TENM4: variants seen among roughly 807,000 people sequenced by gnomAD.
The protein encoded by TENM4 is teneurin-4.
Under a neutral mutation model 243.3 loss-of-function variants are expected in TENM4, and 82 were observed. The ratio of observed to expected loss-of-function variants is 0.34; its 90% CI spans 0.28 to 0.40. The LOEUF (loss-of-function observed/expected upper bound fraction) is 0.40. TENM4 is among the 10% of genes least tolerant of loss of function. The pLI is 1.00. For synonymous variants in TENM4, 1,412 were observed against 1,456.3 expected (o/e 0.97, Z 0.69); for missense variants, 3,138 against 3,673.3 (o/e 0.85, Z 3.77).
At position 78,838,734 on chromosome 11, in the gene TENM4, G is replaced by C. The variant is rs185225925; in HGVS notation, c.1681+15370C>G. On this transcript the variant is annotated intron_variant, in intron 12 of 33. Transcript: ENST00000278550. ...ATGAGTTCCATCCAAAGGGGGCAGG[G>C]CCTTGTTCTCACAGGAATTTTGGTC... Among the ~76,000 whole-genome samples the C allele has an allele frequency of 9.9e-3, 1,505 of 152,270 alleles. 18 individuals carry two copies. Among genetic ancestry groups the C allele is most frequent in the African/African-American group, 0.034 (1,404 of 41,544 alleles).
chr11:78,787,175 C>T, intron 15 of TENM4, 92 bp from the exon 16 acceptor site: 1 of 1,384,412 alleles, frequency 7.2e-7, no homozygotes, highest in Non-Finnish European at 9.6e-7. Flanking sequence ...AGAAAAACAA[C>T]AAGTATTGAG....
intron 28 of TENM4, among the ~76,000 whole-genome samples, chr11:78,696,031 T>C (rs936578994): frequency 6.6e-6 from 1 of 152,094 alleles, no homozygotes; most frequent in Non-Finnish European, 1.5e-5. Flanking sequence ...TATCAGACTA[T>C]TGGATGTTGT....
intron 6 of TENM4, among the ~76,000 whole-genome samples, chr11:79,002,675 GAAGGAACATCAGCCCA>G (rs1858363999): frequency 6.6e-6 from 1 of 152,218 alleles, no homozygotes; most frequent in South Asian, 2.1e-4. Flanking sequence ...TTGAAAGACT[GAAGGAACATCAGCCCA>G]CACAGATGAG....
intron 6 of TENM4, among the ~76,000 whole-genome samples, chr11:79,056,598 G>A (rs1859951006): frequency 6.6e-6 from 1 of 152,002 alleles, no homozygotes; most frequent in Admixed American, 6.6e-5. Context: ...AGAAGGAAAG[G>A]CTAAAATTAT....
intron 1 of TENM4, among the ~76,000 whole-genome samples, chr11:79,343,821 A>T (rs951364579): frequency 2.6e-5 from 4 of 152,124 alleles, no homozygotes; most frequent in African/African-American, 7.2e-5. Context: ...CTTTGGGTGA[A>T]CTCTGAGAGC....
At chr11:78,807,321 C>T (rs1391702902) in intron 14 of TENM4, among the ~76,000 whole-genome samples, 4 of 152,190 alleles carry the variant, frequency 2.6e-5, no homozygotes, top group African/African-American at 2.4e-5. Context: ...ACCAGTAGTG[C>T]ACAAGGGTTC....
At chr11:79,250,360 C>A (rs1343331581) in intron 2 of TENM4, among the ~76,000 whole-genome samples, 1 of 152,168 alleles carries the variant, frequency 6.6e-6, no homozygotes, top group African/African-American at 2.4e-5. Flanking sequence ...ACATATAAGG[C>A]AAAGCAGGAT....
At chr11:79,303,866 C>A (rs896302014) in intron 1 of TENM4, among the ~76,000 whole-genome samples, 1 of 152,158 alleles carries the variant, frequency 6.6e-6, no homozygotes, top group Non-Finnish European at 1.5e-5. Context: ...GGGGTTTGGG[C>A]TGGTAGCGTG....
intron 24 of TENM4, among the ~76,000 whole-genome samples, chr11:78,721,325 T>G (rs1166975979): frequency 6.6e-6 from 1 of 152,230 alleles, no homozygotes; most frequent in African/African-American, 2.4e-5. Flanking sequence ...ACCGCGTGTG[T>G]GCTTGTCTGG....
rs147341534 is a variant in TENM4 at position 78,874,708 on chromosome 11, T to C, written c.1085-11576A>G. On this transcript the variant is annotated intron_variant, in intron 9 of 33. Transcript: ENST00000278550. The stretch of plus-strand genomic sequence containing the variant: ...AGAGAGTTGGAATCAAGTGTGTGCT[T>C]ATATACACAGTGCCACACACAGGCT... Among the ~76,000 whole-genome samples the C allele has an allele frequency of 3.2e-4, 49 of 152,318 alleles. 1 individual carries two copies. The East Asian group carries it at 7.5e-3, about 23-fold the overall frequency.
rs1159980684 is a variant in TENM4 at position 79,440,094 on chromosome 11, C to T, written c.-321+415G>A. ...CCCGGCGCCGCCTCGCGGGCTCCTC[C>T]AGCGCCCGACGGGGGCCTGGGGCGA... On this transcript the variant is annotated intron_variant, in intron 1 of 33. Coordinates refer to ENST00000278550, the MANE Select transcript of TENM4 (RefSeq NM_001098816.3). This position sits in a 1 kb window ranked among gnomAD's most constrained non-coding sequence, Gnocchi z 4.7. 6.6e-6 allele frequency among the ~76,000 whole-genome samples: 1 copy of T among 152,138 alleles called. No homozygotes were observed. The highest frequency in any genetic ancestry group is 2.4e-5 in the African/African-American group (1 of 41,454).
At chr11:78,698,986 C>T (rs1859040073) in intron 28 of TENM4, among the ~76,000 whole-genome samples, 1 of 152,212 alleles carries the variant, frequency 6.6e-6, no homozygotes, top group African/African-American at 2.4e-5. Context: ...GCTCTTCTCA[C>T]CTGACCTCTG....
At chr11:79,049,645 G>A (rs1309611497) in intron 6 of TENM4, among the ~76,000 whole-genome samples, 2 of 152,238 alleles carry the variant, frequency 1.3e-5, no homozygotes, top group African/African-American at 4.8e-5. Flanking sequence ...TCTGTGCCTA[G>A]ATTGTATTAT....
chr11:79,165,248 C>T (rs773742411), intron 3 of TENM4, among the ~76,000 whole-genome samples: 100 of 152,216 alleles, frequency 6.6e-4, no homozygotes, highest in Middle Eastern at 6.8e-3. Context: ...TACTAGTTTA[C>T]TTTCCCACCA....
intron 6 of TENM4, among the ~76,000 whole-genome samples, chr11:78,970,539 G>A (rs1857519764): frequency 6.6e-6 from 1 of 152,180 alleles, no homozygotes; most frequent in African/African-American, 2.4e-5. Flanking sequence ...TACATATTCA[G>A]TTCCACATCA....
chr11:78,944,902 A>G (rs1469250213), intron 6 of TENM4, among the ~76,000 whole-genome samples: 1 of 152,202 alleles, frequency 6.6e-6, no homozygotes, highest in Admixed American at 6.5e-5. Context: ...TGGGATTTGA[A>G]TTGAGGTCTG....
At chr11:78,967,831 G>A (rs1043725165) in intron 6 of TENM4, among the ~76,000 whole-genome samples, 5 of 152,188 alleles carry the variant, frequency 3.3e-5, no homozygotes, top group Non-Finnish European at 5.9e-5. Context: ...AAGGTGGAGG[G>A]GAACCATCCA....
intron 4 of TENM4, among the ~76,000 whole-genome samples, chr11:79,118,254 A>G (rs1861662353): frequency 6.6e-6 from 1 of 152,158 alleles, no homozygotes; most frequent in South Asian, 2.1e-4. Flanking sequence ...TTATGAAAGG[A>G]CTTGGCAAAT....
intron 30 of TENM4, 60 bp downstream of exon 30, chr11:78,676,092 G>A (rs531725624): frequency 1.4e-5 from 20 of 1,394,504 alleles, no homozygotes; most frequent in Middle Eastern, 2.7e-4. Flanking sequence ...ACAGAGCCCC[G>A]TTCTCCCGTT....
Sources: allele counts gnomAD v4.1 joint callset (sites outside exome capture counted in the v4.1 genomes callset), GRCh38; gene constraint gnomAD v4.1.1; non-coding constraint Gnocchi (gnomAD v3.1); transcripts MANE v1.5; gene names NCBI Gene and HGNC (gene_info 2026-07-23, HGNC 2026-07-21).